The following NFASC variants were observed in gnomAD, a reference collection of about 807,000 sequenced individuals.
The protein encoded by NFASC is neurofascin homolog.
Under a neutral mutation model 147.5 loss-of-function variants are expected in NFASC, and 43 were observed. The ratio of observed to expected loss-of-function variants is 0.29; its 90% CI spans 0.23 to 0.38. The LOEUF is 0.38. Among genes scored for constraint, NFASC ranks in the 10% least tolerant of loss-of-function variants. The pLI is 1.00. For missense variants in NFASC, 1,320 were observed against 1,689.0 expected (o/e 0.78, Z 3.83); for synonymous variants, 622 against 665.5 (o/e 0.93, Z 1.01).
chr1:204,994,077 T>C (rs1229397283), intron 24 of NFASC, among the ~76,000 whole-genome samples: 1 of 152,128 alleles, frequency 6.6e-6, no homozygotes, highest in Non-Finnish European at 1.5e-5. Context: ...AATGAGTGGG[T>C]CGGAGATGTG....
At chr1:204,891,076 T>C (rs1386158132) in intron 1 of NFASC, among the ~76,000 whole-genome samples, 1 of 152,186 alleles carries the variant, frequency 6.6e-6, no homozygotes, top group African/African-American at 2.4e-5. Flanking sequence ...AAAGTCATAC[T>C]TGAGAGTAGA....
At chr1:204,888,996 C>A (rs1444948836) in intron 1 of NFASC, among the ~76,000 whole-genome samples, 1 of 152,154 alleles carries the variant, frequency 6.6e-6, no homozygotes, top group Admixed American at 6.5e-5. Flanking sequence ...TTGGGGTTCA[C>A]CCTGGTTGGG....
intron 1 of NFASC, among the ~76,000 whole-genome samples, chr1:204,847,797 C>T (rs1277874620): frequency 6.6e-6 from 1 of 152,162 alleles, no homozygotes; most frequent in African/African-American, 2.4e-5. Context: ...TTATATTTTA[C>T]TTCTTTTCCC....
intron 2 of NFASC, among the ~76,000 whole-genome samples, chr1:204,928,249 G>A (rs1018051434): frequency 7.9e-5 from 12 of 152,174 alleles, no homozygotes; most frequent in African/African-American, 2.9e-4. Flanking sequence ...CTACATTTGA[G>A]CATCTTTTCC....
intron 1 of NFASC, among the ~76,000 whole-genome samples, chr1:204,848,663 A>T (rs2075388074): frequency 6.6e-6 from 1 of 152,252 alleles, no homozygotes; most frequent in South Asian, 2.1e-4. Flanking sequence ...GTTGCTTGGG[A>T]ATAGCAACCG....
At chr1:204,832,801 G>A (rs1018940516) in intron 1 of NFASC, among the ~76,000 whole-genome samples, 1 of 152,206 alleles carries the variant, frequency 6.6e-6, no homozygotes, top group Non-Finnish European at 1.5e-5. Flanking sequence ...TGAATTCCTG[G>A]TGTTGTAGGA....
In NFASC at chr1:204,974,550, A is replaced by C. The variant is rs577175338; in HGVS notation, c.1392-107A>C. ...AGGCTCAGGGCTCCAGTCTCCTAGC[A>C]TGGGGCTCCTTCCACAGCCCCCATG... On this transcript the variant is annotated intron_variant, in intron 13 of 29. Coordinates refer to ENST00000339876, the MANE Select transcript of NFASC (RefSeq NM_001005388.3). 9.3e-5 allele frequency: 122 copies of C among 1,313,624 alleles called. No individual in the cohort carries two copies. In the African/African-American group the frequency reaches 1.6e-3, roughly 18 times the overall value. 81.4% of individuals were successfully genotyped at this position (1,313,624 alleles called of 1,614,324 possible).
chr1:204,829,360 C>G (rs570253571), intron 1 of NFASC, among the ~76,000 whole-genome samples: 10 of 151,798 alleles, frequency 6.6e-5, no homozygotes, highest in African/African-American at 1.2e-4. Flanking sequence ...CAGTCCCTCT[C>G]AAGAACCCCG....
Position 204,968,127 on chromosome 1 carries a change from G to A in NFASC, c.707-122G>A, listed in dbSNP as rs1472806338. Reference sequence around the variant, plus strand: ...TAATGATGCCCAAGTCCTTGGGATGGTTTCAGCTGGGAGGATCCGGCAGGG... The same window carrying A: ...TAATGATGCCCAAGTCCTTGGGATGATTTCAGCTGGGAGGATCCGGCAGGG... On this transcript the variant is annotated intron_variant, in intron 8 of 29. Transcript: ENST00000339876. This position sits in a 1 kb window ranked among gnomAD's most constrained non-coding sequence, Gnocchi z 5.4. The A allele has an allele frequency of 4.2e-6, 3 of 717,850 alleles. No homozygotes were observed. The highest frequency in any genetic ancestry group is 1.7e-5 in the African/African-American group (1 of 57,292). The allele number at this position is 717,850 out of a possible 1,614,324, so 44.5% of individuals were successfully genotyped here.
intron 1 of NFASC, among the ~76,000 whole-genome samples, chr1:204,895,527 C>T (rs2083231327): frequency 6.6e-6 from 1 of 152,194 alleles, no homozygotes; most frequent in South Asian, 2.1e-4. Context: ...TCATTCACCC[C>T]CTGATTTTTG....
At chr1:205,009,290 C>A in intron 27 of NFASC, 1 of 574,596 alleles carries the variant, frequency 1.7e-6, no homozygotes. Context: ...ACACTTTCCC[C>A]TTCCTAAAGG....
intron 1 of NFASC, among the ~76,000 whole-genome samples, chr1:204,897,627 G>A (rs1430868449): frequency 6.6e-6 from 1 of 151,148 alleles, no homozygotes; most frequent in East Asian, 1.9e-4. Flanking sequence ...AGGCTGGAGT[G>A]CAGTGGCACA....
chr1:205,002,511 C>A, intron 26 of NFASC, 85 bp from the exon 27 acceptor site: 1 of 1,174,278 alleles, frequency 8.5e-7, no homozygotes, highest in Non-Finnish European at 1.1e-6. Flanking sequence ...ACACTTTCTA[C>A]CTTTGACAGG....
intron 21 of NFASC, among the ~76,000 whole-genome samples, chr1:204,983,093 A>G (rs192917754): frequency 7.3e-4 from 111 of 152,312 alleles, no homozygotes; most frequent in Admixed American, 6.4e-3. Flanking sequence ...AAGTGCAGAA[A>G]GGGTGGCATC....
At chr1:204,937,978 T>C (rs2093019375) in intron 2 of NFASC, among the ~76,000 whole-genome samples, 1 of 152,204 alleles carries the variant, frequency 6.6e-6, no homozygotes, top group Admixed American at 6.5e-5. Flanking sequence ...TGAGATGGCT[T>C]TCCCTCCAGG....
intron 1 of NFASC, among the ~76,000 whole-genome samples, chr1:204,855,224 C>T (rs1271734841): frequency 6.6e-6 from 1 of 152,170 alleles, no homozygotes; most frequent in Admixed American, 6.5e-5. Flanking sequence ...ACCTCAAGGG[C>T]ATTATCTTAG....
intron 1 of NFASC, among the ~76,000 whole-genome samples, chr1:204,914,239 C>T (rs1312502394): frequency 6.6e-6 from 1 of 152,138 alleles, no homozygotes; most frequent in Non-Finnish European, 1.5e-5. Flanking sequence ...AGTGTCTCCA[C>T]CCAAATCTCA....
At chr1:204,888,242 G>A (rs1230992658) in intron 1 of NFASC, among the ~76,000 whole-genome samples, 1 of 152,110 alleles carries the variant, frequency 6.6e-6, no homozygotes, top group Non-Finnish European at 1.5e-5. Flanking sequence ...CCACTGTACT[G>A]CAGAACCAAG....
intron 21 of NFASC, chr1:204,984,180 C>A: frequency 7.0e-7 from 1 of 1,420,594 alleles, no homozygotes; most frequent in Non-Finnish European, 1.0e-6. Context: ...AACTACCCAG[C>A]TCACTAACCA....
Sources: allele counts gnomAD v4.1 joint callset (sites outside exome capture counted in the v4.1 genomes callset), GRCh38; gene constraint gnomAD v4.1.1; non-coding constraint Gnocchi (gnomAD v3.1); transcripts MANE v1.5; gene names NCBI Gene and HGNC (gene_info 2026-07-23, HGNC 2026-07-21).